The following FKBP3 variants were observed in gnomAD, a reference collection of about 807,000 sequenced individuals.
FKBP3 encodes peptidyl-prolyl cis-trans isomerase FKBP3.
A neutral mutation model predicts 30.6 loss-of-function variants in FKBP3; 21 were observed. The ratio of observed to expected loss-of-function variants is 0.69; its 90% CI spans 0.49 to 0.99. The LOEUF (loss-of-function observed/expected upper bound fraction) is 0.99, where lower values mean the gene tolerates loss of function less well. Ranked by LOEUF, FKBP3 falls within the 50% of genes least tolerant of loss-of-function variation. The pLI is 0.00. For synonymous variants in FKBP3, 82 were observed against 91.3 expected (o/e 0.90, Z 0.58); for missense variants, 283 against 261.6 (o/e 1.08, Z -0.56).
chr14:45,124,194 T>C (rs1304026962), intron 3 of FKBP3, among the ~76,000 whole-genome samples: 1 of 152,082 alleles, frequency 6.6e-6, no homozygotes, highest in Non-Finnish European at 1.5e-5. Flanking sequence ...AACTCTTGTC[T>C]TTTCCATGAC....
Position 45,120,971 on chromosome 14 carries a change from C to T in FKBP3, c.455-17G>A. On this transcript the variant is annotated splice_polypyrimidine_tract_variant and intron_variant, in intron 4 of 6. Coordinates refer to ENST00000396062, the MANE Select transcript of FKBP3 (RefSeq NM_002013.4). ...TCTTTGCACCTGTAAAACAGATTTTCCTTATCATTAATGATATACTCTAAT... is the reference window on the plus strand; with the variant it reads ...TCTTTGCACCTGTAAAACAGATTTTTCTTATCATTAATGATATACTCTAAT... The T allele has an allele frequency of 6.3e-7, 1 of 1,597,714 alleles. No homozygotes were observed.
At chr14:45,128,420 C>CAATGTG (rs1355438000) in intron 3 of FKBP3, among the ~76,000 whole-genome samples, 1 of 152,172 alleles carries the variant, frequency 6.6e-6, no homozygotes, top group Non-Finnish European at 1.5e-5. Context: ...GAGCAATGAG[C>CAATGTG]AATGTGATGG....
At chr14:45,119,972 G>A (rs1386684008) in intron 5 of FKBP3, among the ~76,000 whole-genome samples, 1 of 152,098 alleles carries the variant, frequency 6.6e-6, no homozygotes, top group Non-Finnish European at 1.5e-5. Context: ...TTACAGGCAT[G>A]AGCCACCACG....
At chr14:45,131,636 A>C (rs1885217610) in intron 1 of FKBP3, among the ~76,000 whole-genome samples, 1 of 149,000 alleles carries the variant, frequency 6.7e-6, no homozygotes. Context: ...CTCAAAAAAA[A>C]AAAAAAAAAA....
At chr14:45,118,869 C>A (rs1396523488) in intron 5 of FKBP3, among the ~76,000 whole-genome samples, 2 of 151,368 alleles carry the variant, frequency 1.3e-5, no homozygotes, top group East Asian at 3.9e-4. Flanking sequence ...TTCTTTTTTT[C>A]TTTTGAGATG....
chr14:45,119,365 A>G (rs1327512467), intron 5 of FKBP3, among the ~76,000 whole-genome samples: 1 of 152,126 alleles, frequency 6.6e-6, no homozygotes, highest in Non-Finnish European at 1.5e-5. Flanking sequence ...ACTTGAGGTC[A>G]GCACTCAAGA....
chr14:45,123,602 CTTTTTT>C lies in FKBP3; in HGVS notation c.319-1988_319-1983del, dbSNP rs200242313. On this transcript the variant is annotated intron_variant, in intron 3 of 6. Coordinates refer to ENST00000396062, the MANE Select transcript of FKBP3 (RefSeq NM_002013.4). ...ACTCTGCTTAAATCCCTCTCTACTCCTTTTTTTTTTTTTTTTTTTTTTTTTTTTTTC... is the reference window on the plus strand; with the variant it reads ...ACTCTGCTTAAATCCCTCTCTACTCCTTTTTTTTTTTTTTTTTTTTTTTTC... 1.3e-4 allele frequency among the ~76,000 whole-genome samples: 11 copies of C among 84,302 alleles called. No homozygotes were observed. In the East Asian group the frequency reaches 1.8e-3, roughly 13 times the overall value. 55.3% of individuals were successfully genotyped at this position (84,302 alleles called of 152,430 possible).
At chr14:45,128,457 G>C (rs1453140156) in intron 3 of FKBP3, among the ~76,000 whole-genome samples, 1 of 152,104 alleles carries the variant, frequency 6.6e-6, no homozygotes, top group Non-Finnish European at 1.5e-5. Context: ...TAGTATAAAT[G>C]TTGTTGAGTA....
chr14:45,128,423 T>G (rs773138184), intron 3 of FKBP3, among the ~76,000 whole-genome samples: 2 of 152,210 alleles, frequency 1.3e-5, no homozygotes, highest in Non-Finnish European at 2.9e-5. Flanking sequence ...CAATGAGCAA[T>G]GTGATGGAGA....
chr14:45,131,839 A>T (rs973249628), intron 1 of FKBP3, among the ~76,000 whole-genome samples: 1 of 152,198 alleles, frequency 6.6e-6, no homozygotes, highest in Non-Finnish European at 1.5e-5. Flanking sequence ...TATTGGGATT[A>T]TGATTAATAC....
chr14:45,132,641 T>TA (rs761125431), intron 1 of FKBP3, among the ~76,000 whole-genome samples: 1 of 152,142 alleles, frequency 6.6e-6, no homozygotes, highest in Non-Finnish European at 1.5e-5. Context: ...CCTCAACTGT[T>TA]AGTCAGGATG....
intron 1 of FKBP3, 33 bp from the exon 2 acceptor site, chr14:45,130,833 C>G (rs779805707): frequency 7.6e-7 from 1 of 1,313,984 alleles, no homozygotes; most frequent in Admixed American, 2.0e-5. Flanking sequence ...ATCAAGATAA[C>G]TTCTCCCGAG....
intron 1 of FKBP3, among the ~76,000 whole-genome samples, chr14:45,132,613 C>A (rs1257005671): frequency 1.3e-5 from 2 of 151,924 alleles, no homozygotes; most frequent in African/African-American, 4.8e-5. Context: ...GTTGGCCAGG[C>A]TGGTCCTCAA....
At chr14:45,124,587 C>A (rs2139082131) in intron 3 of FKBP3, among the ~76,000 whole-genome samples, 1 of 150,864 alleles carries the variant, frequency 6.6e-6, no homozygotes, top group East Asian at 1.9e-4. Flanking sequence ...GACAGGGTTT[C>A]AGTGTTGCTG....
At chr14:45,132,303 C>T (rs961861386) in intron 1 of FKBP3, among the ~76,000 whole-genome samples, 1 of 151,882 alleles carries the variant, frequency 6.6e-6, no homozygotes, top group African/African-American at 2.4e-5. Flanking sequence ...CAGAAAATAC[C>T]CAAAGCATAA....
chr14:45,124,985 C>T (rs748547526), intron 3 of FKBP3, among the ~76,000 whole-genome samples: 29 of 151,662 alleles, frequency 1.9e-4, no homozygotes, highest in African/African-American at 2.4e-4. Context: ...GGTGTGATCT[C>T]GGCTCACTGC....
At chr14:45,118,154 T>C (rs1884896568) in intron 5 of FKBP3, 29 bp from the exon 6 acceptor site, 14 of 1,480,106 alleles carry the variant, frequency 9.5e-6, no homozygotes, top group South Asian at 4.8e-5. Context: ...TAAAAACTAA[T>C]GGTATTTTGC....
At chr14:45,133,911 T>G (rs1338039631) in intron 1 of FKBP3, among the ~76,000 whole-genome samples, 1 of 152,196 alleles carries the variant, frequency 6.6e-6, no homozygotes, top group African/African-American at 2.4e-5. Flanking sequence ...TTTAGTAAAC[T>G]GTTGAGAAAA....
chr14:45,128,166 G>A (rs1388167697), intron 3 of FKBP3, among the ~76,000 whole-genome samples: 1 of 152,108 alleles, frequency 6.6e-6, no homozygotes, highest in Non-Finnish European at 1.5e-5. Flanking sequence ...GAGAAACTGC[G>A]TCTCTATTAA....
Sources: gnomAD v4.1 joint callset for allele counts (sites outside exome capture counted in the v4.1 genomes callset) on GRCh38, gnomAD v4.1.1 for gene constraint, MANE v1.5 for transcripts, NCBI Gene and HGNC (gene_info 2026-07-23, HGNC 2026-07-21) for gene names.